CADM2: variants seen among roughly 807,000 people sequenced by gnomAD.
The protein encoded by CADM2 is cell adhesion molecule 2.
Under a neutral mutation model 49.8 loss-of-function variants are expected in CADM2, and 12 were observed. The observed-to-expected ratio is 0.24, with a 90% CI of 0.15 to 0.39. The LOEUF (loss-of-function observed/expected upper bound fraction) is 0.39. Among genes scored for constraint, CADM2 ranks in the 10% least tolerant of loss-of-function variants. CADM2 has a pLI of 1.00. For synonymous variants in CADM2, 214 were observed against 175.4 expected (o/e 1.22, Z -1.74); for missense variants, 378 against 492.3 (o/e 0.77, Z 2.20).
chr3:86,017,238 A>C (rs59710261), intron 8 of CADM2, among the ~76,000 whole-genome samples: 4,327 of 150,552 alleles, frequency 0.029, 122 homozygotes, highest in African/African-American at 0.066. Context: ...CAATAACATA[A>C]GTATGGGACA....
At chr3:85,849,540 T>C (rs1030362659) in intron 3 of CADM2, among the ~76,000 whole-genome samples, 1 of 152,178 alleles carries the variant, frequency 6.6e-6, no homozygotes, top group Non-Finnish European at 1.5e-5. Context: ...TAATTTAACA[T>C]CGTGAATGTA....
chr3:85,618,583 A>G (rs776920212), intron 1 of CADM2, among the ~76,000 whole-genome samples: 4 of 152,144 alleles, frequency 2.6e-5, no homozygotes, highest in African/African-American at 4.8e-5. Flanking sequence ...GCCAAAGGAT[A>G]ATCCCAGTCC....
chr3:85,281,387 G>A (rs150199471), intron 1 of CADM2, among the ~76,000 whole-genome samples: 44 of 152,016 alleles, frequency 2.9e-4, no homozygotes, highest in African/African-American at 9.4e-4. Context: ...AAACATTTCT[G>A]TCGATCAAAC....
chr3:85,702,241 C>T (rs996568567), intron 1 of CADM2, among the ~76,000 whole-genome samples: 1 of 152,096 alleles, frequency 6.6e-6, no homozygotes, highest in Admixed American at 6.6e-5. Context: ...TACCCCAAAT[C>T]TCCTAACAAC....
At chr3:85,790,467 G>GA (rs2071258597) in intron 2 of CADM2, among the ~76,000 whole-genome samples, 2 of 152,222 alleles carry the variant, frequency 1.3e-5, no homozygotes, top group East Asian at 1.9e-4. Flanking sequence ...TCACATTCTG[G>GA]AAAAAAGAGA....
chr3:85,698,585 A>T (rs1371968270), intron 1 of CADM2, among the ~76,000 whole-genome samples: 2 of 152,062 alleles, frequency 1.3e-5, no homozygotes, highest in Non-Finnish European at 2.9e-5. Flanking sequence ...GGGGCAGGAG[A>T]AGGAGAGGTG....
chr3:85,461,119 CCATT>C (rs1310622262), intron 1 of CADM2, among the ~76,000 whole-genome samples: 1 of 152,030 alleles, frequency 6.6e-6, no homozygotes, highest in Non-Finnish European at 1.5e-5. Flanking sequence ...TGCTCTGCCT[CCATT>C]CATTTTTTAT....
chr3:85,769,660 G>GTA lies in CADM2; in HGVS notation c.89-32378_89-32377dup, dbSNP rs1178068219. ...ACATATATACATATATACATATATA[G>GTA]TATATATATACACATATATACATAT... On this transcript the variant is annotated intron_variant, in intron 2 of 9. Coordinates refer to ENST00000383699, the MANE Select transcript of CADM2 (RefSeq NM_001167675.2). Among the ~76,000 whole-genome samples, 53 of 123,630 alleles carry GTA rather than the reference G, an allele frequency of 4.3e-4. 1 individual carries two copies. The highest frequency in any genetic ancestry group is 9.7e-4 in the South Asian group (4 of 4,122). The allele number at this position is 123,630 out of a possible 152,430, so 81.1% of individuals were successfully genotyped here. A position where few individuals can be genotyped will look rare whatever the true frequency, so the allele number is the denominator to read the frequency against.
At chr3:85,603,780 T>G (rs1436081188) in intron 1 of CADM2, among the ~76,000 whole-genome samples, 1 of 151,954 alleles carries the variant, frequency 6.6e-6, no homozygotes, top group Admixed American at 6.6e-5. Flanking sequence ...AAATTCCAAA[T>G]AAATCAGTAC....
At chr3:85,573,173 A>C (rs2062532139) in intron 1 of CADM2, among the ~76,000 whole-genome samples, 1 of 79,600 alleles carries the variant, frequency 1.3e-5, no homozygotes, top group Admixed American at 1.5e-4. Context: ...TTATTTATTT[A>C]TTTATTTATT....
At chr3:85,909,419 T>TATATATAA (rs1392838709) in intron 5 of CADM2, among the ~76,000 whole-genome samples, 2 of 150,480 alleles carry the variant, frequency 1.3e-5, no homozygotes, top group Admixed American at 6.6e-5. Flanking sequence ...TATATATATA[T>TATATATAA]AATGTCCAAT....
chr3:85,767,467 GAAATT>G (rs1188778297), intron 2 of CADM2, among the ~76,000 whole-genome samples: 2 of 152,082 alleles, frequency 1.3e-5, no homozygotes, highest in African/African-American at 4.8e-5. Context: ...TTGATAAGAA[GAAATT>G]AAATTTGCAG....
intron 1 of CADM2, among the ~76,000 whole-genome samples, chr3:85,544,607 G>C (rs1321900359): frequency 6.6e-6 from 1 of 151,964 alleles, no homozygotes; most frequent in Non-Finnish European, 1.5e-5. Context: ...AAAAAAAAGA[G>C]GAAAACATTG....
At chr3:85,327,963 A>G (rs2044802750) in intron 1 of CADM2, among the ~76,000 whole-genome samples, 1 of 152,214 alleles carries the variant, frequency 6.6e-6, no homozygotes. Flanking sequence ...ATATTAAGTT[A>G]CACAGAAATG....
chr3:85,901,641 A>T, intron 5 of CADM2, among the ~76,000 whole-genome samples: 1 of 152,318 alleles, frequency 6.6e-6, no homozygotes, highest in East Asian at 1.9e-4. Flanking sequence ...TTATTTTCAC[A>T]TAGAAACATT....
intron 3 of CADM2, among the ~76,000 whole-genome samples, chr3:85,802,417 T>G (rs2108078096): frequency 6.6e-6 from 1 of 152,254 alleles, no homozygotes; most frequent in African/African-American, 2.4e-5. Context: ...TAATTCTGTT[T>G]CGAAAATAGT....
At chr3:85,564,167 T>TTCTCTCTCTCTCTCTCTCTC (rs3086193) in intron 1 of CADM2, among the ~76,000 whole-genome samples, 1 of 149,584 alleles carries the variant, frequency 6.7e-6, no homozygotes, top group African/African-American at 2.5e-5. Context: ...GAAAGCATGA[T>TTCTCTCTCTCTCTCTCTCTC]TCTCTCTCTC....
chr3:84,999,887 T>C (rs2033368406), intron 1 of CADM2, among the ~76,000 whole-genome samples: 1 of 152,182 alleles, frequency 6.6e-6, no homozygotes, highest in Non-Finnish European at 1.5e-5. Context: ...ATGGAGGCTC[T>C]GAATTCTGGA....
chr3:85,756,941 A>G (rs891695065), intron 2 of CADM2, among the ~76,000 whole-genome samples: 15 of 152,146 alleles, frequency 9.9e-5, no homozygotes, highest in African/African-American at 3.6e-4. Context: ...AATAGGCAAG[A>G]TGGTTTAATA....
Sources: gnomAD v4.1 joint callset for allele counts (sites outside exome capture counted in the v4.1 genomes callset) on GRCh38, gnomAD v4.1.1 for gene constraint, MANE v1.5 for transcripts, NCBI Gene and HGNC (gene_info 2026-07-23, HGNC 2026-07-21) for gene names.